Variants in ELP6 observed in about 807,000 individuals in gnomAD.
ELP6 encodes the protein elongator acetyltransferase complex subunit 6, also known as elongator complex protein 6.
ELP6 carries 23 observed loss-of-function variants against 28.1 expected under a neutral mutation model. The observed-to-expected ratio is 0.82, with a 90% confidence interval of 0.59 to 1.16. The LOEUF (loss-of-function observed/expected upper bound fraction) is 1.16. Among genes scored for constraint, ELP6 ranks in the 50% most tolerant of loss-of-function variants. The pLI, the probability that ELP6 is intolerant of heterozygous loss-of-function variation, is 0.00. For missense variants in ELP6, 313 were observed against 334.6 expected, an observed-to-expected ratio of 0.94 and a Z score of 0.50; for synonymous variants, 132 against 135.8, an observed-to-expected ratio of 0.97 and a Z score of 0.19.
chr3:47,503,272 C>A, intron 4 of ELP6: 1 of 1,271,252 alleles, frequency 7.9e-7, no homozygotes, highest in Non-Finnish European at 1.0e-6. Flanking sequence ...AGAGATAAGG[C>A]AGTGGGGGAA....
rs1357795345 is a variant in ELP6, at chr3:47,495,806, G to GCTCCAAA, written c.*256_*262dup. ...GGGGCTAAGGCATATTTAAACAAAG[G>GCTCCAAA]CTCCAAAGGACCCCTTTCACTTGGG... On this transcript the variant is annotated 3_prime_UTR_variant, in exon 7 of 7. Coordinates refer to ENST00000296149, the MANE Select transcript of ELP6 (RefSeq NM_001031703.3). 2.3e-6 allele frequency: 1 copy of GCTCCAAA among 432,622 alleles called. No homozygotes were observed. The highest frequency in any genetic ancestry group is 6.0e-5 in the East Asian group (1 of 16,730). The allele number at this position is 432,622 out of a possible 1,614,324, so 26.8% of individuals were successfully genotyped here.
intron 4 of ELP6, chr3:47,503,496 C>G: frequency 8.6e-7 from 1 of 1,161,360 alleles, no homozygotes; most frequent in Non-Finnish European, 1.1e-6. Flanking sequence ...GTCTCTGTCC[C>G]AACTACTCAA....
Position 47,495,941 on chromosome 3 carries a change from G to C in ELP6, c.*128C>G. ...CCATCACTGCAGCACTCAACCCTCT[G>C]GTCACAGTGGAGTCGCCGGTCCAGC... is the stretch of plus-strand genomic sequence containing the variant. On this transcript the variant is annotated 3_prime_UTR_variant, in exon 7 of 7. Transcript: ENST00000296149. 3 of 1,518,988 alleles carry C rather than the reference G, an allele frequency of 2.0e-6. No homozygotes were observed. The highest frequency in any genetic ancestry group is 1.8e-6 in the Non-Finnish European group (2 of 1,121,948). The allele number at this position is 1,518,988 out of a possible 1,614,324, so 94.1% of individuals were successfully genotyped here.
intron 3 of ELP6, 152 bp from the exon 4 acceptor site, chr3:47,504,600 G>A (rs1708772460): frequency 7.9e-7 from 1 of 1,270,932 alleles, no homozygotes; most frequent in African/African-American, 1.5e-5. Context: ...TCCCCTGGGT[G>A]CTCCCAAACC....
In ELP6 at chr3:47,495,971, A is replaced by T; in HGVS notation, c.*98T>A. The T allele has an allele frequency of 2.5e-6, 4 of 1,594,114 alleles. No homozygotes were observed. The highest frequency in any genetic ancestry group is 3.4e-6 in the Non-Finnish European group (4 of 1,172,002). On this transcript the variant is annotated 3_prime_UTR_variant, in exon 7 of 7. Transcript: ENST00000296149. ...CAGTGGAGTCGCCGGTCCAGCCTGA[A>T]ATATTACTACAGAGGAGAAAGACCC...
chr3:47,502,970 G>A (rs969769777), intron 4 of ELP6: 13 of 926,424 alleles, frequency 1.4e-5, no homozygotes, highest in African/African-American at 1.8e-5. Flanking sequence ...GCCTATCTCC[G>A]TCTTCTCCAG....
intron 4 of ELP6, chr3:47,502,475 G>T (rs530066283): frequency 2.0e-6 from 2 of 983,568 alleles, no homozygotes; most frequent in African/African-American, 3.5e-5. Flanking sequence ...AAGAGCTTAA[G>T]GAATCTGGAA....
At chr3:47,497,047 C>G in intron 6 of ELP6, 1 of 982,372 alleles carries the variant, frequency 1.0e-6, no homozygotes, top group Non-Finnish European at 1.2e-6. Flanking sequence ...GTGTGACCTA[C>G]CAGACTTGCC....
chr3:47,512,019 G>T, intron 1 of ELP6: 16 of 985,404 alleles, frequency 1.6e-5, no homozygotes, highest in Non-Finnish European at 1.8e-5. Context: ...GTGCCCACTT[G>T]ATTACTCCAT....
chr3:47,503,231 C>G, intron 4 of ELP6: 1 of 1,201,826 alleles, frequency 8.3e-7, no homozygotes, highest in Non-Finnish European at 1.1e-6. Context: ...AACATGGCCT[C>G]ACACCCACTG....
chr3:47,506,017 G>A (rs1051808768), intron 3 of ELP6, among the ~76,000 whole-genome samples: 3 of 152,086 alleles, frequency 2.0e-5, no homozygotes, highest in Admixed American at 2.0e-4. Flanking sequence ...CCTAAGCGTT[G>A]GCCGGCTTGA....
intron 3 of ELP6, chr3:47,509,857 G>T: frequency 5.6e-6 from 1 of 177,782 alleles, no homozygotes; most frequent in South Asian, 1.7e-4. Context: ...TGGCTCCCGG[G>T]TTCAAGCGAT....
At position 47,513,708 on chromosome 3, in the gene ELP6, A is replaced by G. The variant is rs1228148930; in HGVS notation, c.-118T>C. 5.2e-6 allele frequency: 7 copies of G among 1,333,968 alleles called. No homozygotes were observed. The highest frequency in any genetic ancestry group is 1.5e-5 in the African/African-American group (1 of 67,794). 82.6% of individuals were successfully genotyped at this position (1,333,968 alleles called of 1,614,324 possible). A position where few individuals can be genotyped will look rare whatever the true frequency, so the allele number is the denominator to read the frequency against. Reference sequence around the variant, plus strand: ...TCGCGCAAGGAAGCGCGCATGCGCAATGCCACTTTTGCGAGCCAGCCACAG... The same window carrying G: ...TCGCGCAAGGAAGCGCGCATGCGCAGTGCCACTTTTGCGAGCCAGCCACAG... On this transcript the variant is annotated 5_prime_UTR_variant, in exon 1 of 7. Coordinates refer to ENST00000296149, the MANE Select transcript of ELP6 (RefSeq NM_001031703.3).
rs1413737337 is a variant in ELP6 at position 47,503,320 on chromosome 3, G to A, written c.323+1010C>T. 10 of 1,288,288 alleles carry A rather than the reference G, an allele frequency of 7.8e-6. No homozygotes were observed. In the East Asian group the frequency reaches 4.4e-4, roughly 57 times the overall value. The allele number at this position is 1,288,288 out of a possible 1,614,324, so 79.8% of individuals were successfully genotyped here. A position where few individuals can be genotyped will look rare whatever the true frequency, so the allele number is the denominator to read the frequency against. On this transcript the variant is annotated intron_variant, in intron 4 of 6. Transcript: ENST00000296149. ...ACCACTTTGTAGTGGACGAAGAACA[G>A]CAGCCAAGCGGGGAGTCTTCACAGA... is the stretch of plus-strand genomic sequence containing the variant.
intron 6 of ELP6, 76 bp downstream of exon 6, chr3:47,498,210 C>T (rs1278240488): frequency 6.4e-7 from 1 of 1,570,118 alleles, no homozygotes; most frequent in Non-Finnish European, 8.6e-7. Context: ...GTCCCTCAGG[C>T]CTGACTCTCC....
Position 47,504,347 on chromosome 3 carries a change from G to T in ELP6, c.306C>A (p.His102Gln). ...DVVFQAQKEP[H>Q]PLQFLREANA... ...TGACTGACCTGAGAAACTGCAGGGGGTGTGGCTCCTTTTGAGCCTGGAAGA... is the reference window on the plus strand; with the variant it reads ...TGACTGACCTGAGAAACTGCAGGGGTTGTGGCTCCTTTTGAGCCTGGAAGA... The change falls in exon 4 of 7, where the codon CAC becomes CAA. Residue 102 changes from histidine (H) to glutamine (Q), a missense_variant. Transcript: ENST00000296149. The T allele has an allele frequency of 2.5e-6, 4 of 1,609,220 alleles. No homozygotes were observed. Among genetic ancestry groups the T allele is most frequent in the Non-Finnish European group, 3.4e-6 (4 of 1,177,396 alleles).
At position 47,513,572 on chromosome 3, in the gene ELP6, T is replaced by G. The variant is rs1359481964; in HGVS notation, c.19A>C (p.Asn7His). The G allele has an allele frequency of 6.2e-7, 1 of 1,613,080 alleles. No homozygotes were observed. The highest frequency in any genetic ancestry group is 1.3e-5 in the African/African-American group (1 of 75,012). MFVELN[N>H]LLNTTPDRAE... The stretch of plus-strand genomic sequence containing the variant: ...CTGTCGGGGGTGGTGTTAAGCAGGT[T>G]ATTAAGTTCCACGAACATTCCGAGC... Residue 7 changes from asparagine (N) to histidine (H), a missense_variant, in exon 1 of 7, where the codon AAC becomes CAC. Asn to His is a moderately conservative substitution (Grantham distance 68, BLOSUM62 1). Transcript: ENST00000296149.
intron 5 of ELP6, chr3:47,500,015 C>A: frequency 7.7e-7 from 1 of 1,301,482 alleles, no homozygotes. Context: ...AAATATGTGG[C>A]TAGCTGGAGG....
chr3:47,503,077 C>T (rs1489707060), intron 4 of ELP6: 1 of 1,045,004 alleles, frequency 9.6e-7, no homozygotes, highest in Non-Finnish European at 1.2e-6. Context: ...AGGGATGAGC[C>T]CCTGGCATTG....
Sources: allele counts gnomAD v4.1 joint callset (sites outside exome capture counted in the v4.1 genomes callset), GRCh38; gene constraint gnomAD v4.1.1; transcripts MANE v1.5; gene names NCBI Gene and HGNC (gene_info 2026-07-23, HGNC 2026-07-21).